The following TET1 variants were observed in gnomAD, a reference collection of about 807,000 sequenced individuals.
TET1 encodes the protein tet methylcytosine dioxygenase 1.
A neutral mutation model predicts 148.7 loss-of-function variants in TET1; 13 were observed. That is an observed-to-expected ratio of 0.09 (90% CI 0.06 to 0.14). TET1 has a LOEUF of 0.14. Among genes scored for constraint, TET1 ranks in the 10% least tolerant of loss-of-function variants. TET1 has a pLI of 1.00. For synonymous variants in TET1, 907 were observed against 937.2 expected, an observed-to-expected ratio of 0.97 and a Z score of 0.59; for missense variants, 2,182 against 2,553.8, an observed-to-expected ratio of 0.85 and a Z score of 3.14.
intron 3 of TET1, among the ~76,000 whole-genome samples, chr10:68,624,158 G>A (rs1029736131): frequency 2.7e-5 from 4 of 149,286 alleles, no homozygotes; most frequent in African/African-American, 4.9e-5. Context: ...GTGCAGTGTC[G>A]CAATCTCGGC....
chr10:68,608,191 G>A (rs978009401), intron 3 of TET1, among the ~76,000 whole-genome samples: 5 of 152,144 alleles, frequency 3.3e-5, no homozygotes, highest in South Asian at 4.1e-4. Context: ...GCCTCCCAAA[G>A]TGCTGGGATT....
chr10:68,618,992 A>G (rs1171405077), intron 3 of TET1, among the ~76,000 whole-genome samples: 1 of 152,194 alleles, frequency 6.6e-6, no homozygotes, highest in Non-Finnish European at 1.5e-5. Flanking sequence ...ATAATTAAGT[A>G]AAAAGAAATT....
chr10:68,686,794 A>T (rs879084988), intron 11 of TET1, 87 bp downstream of exon 11: 1 of 1,197,738 alleles, frequency 8.3e-7, no homozygotes, highest in South Asian at 1.6e-5. Context: ...GTTTAGAGTT[A>T]AAACTAAGAC....
At chr10:68,644,649 T>G (rs751477890) in intron 3 of TET1, 49 bp from the exon 4 acceptor site, 96 of 1,486,196 alleles carry the variant, frequency 6.5e-5, no homozygotes, top group African/African-American at 2.8e-5. Flanking sequence ...TCTATGGCTG[T>G]TATTCAGATA....
chr10:68,674,847 C>G lies in TET1; in HGVS notation c.4824+1802C>G, dbSNP rs930755030. 3 of 435,276 alleles carry G rather than the reference C, an allele frequency of 6.9e-6. No individual in the cohort carries two copies. In the Admixed American group the frequency reaches 9.0e-5, roughly 13 times the overall value. The allele number at this position is 435,276 out of a possible 1,614,324, so 27.0% of individuals were successfully genotyped here. ...GAAATCATGACCCGAGAGGTGCAGACAAATTACTTGAAAGAAGTGGTCAAT... is the reference window on the plus strand; with the variant it reads ...GAAATCATGACCCGAGAGGTGCAGAGAAATTACTTGAAAGAAGTGGTCAAT... On this transcript the variant is annotated intron_variant, in intron 8 of 11. Transcript: ENST00000373644.
chr10:68,674,910 A>G, intron 8 of TET1: 1 of 387,074 alleles, frequency 2.6e-6, no homozygotes, highest in Non-Finnish European at 4.9e-6. Flanking sequence ...GACATAGAAA[A>G]AATTCTTGCC....
Position 68,691,048 on chromosome 10 carries a change from C to T in TET1, c.5645C>T (p.Thr1882Met), listed in dbSNP as rs759636615. The change falls in exon 12 of 12, where the codon ACG (threonine) becomes ATG (methionine). Residue 1882 changes from threonine to methionine, a missense_variant. Physicochemically the swap from Thr to Met is moderately conservative, Grantham distance 81. Transcript: ENST00000373644. This position sits in a 1 kb window ranked among gnomAD's most constrained non-coding sequence, Gnocchi z 4.4. The stretch of plus-strand genomic sequence containing the variant: ...GAAAGAAGCAGCACTCCCCACTGTA[C>T]GATGCCTTCGGGAAGACTCAGTGGT... ...FSERSSTPHC[T>M]MPSGRLSGAN... The T allele has an allele frequency of 1.9e-5, 31 of 1,614,100 alleles. No homozygotes were observed. The highest frequency in any genetic ancestry group is 1.2e-4 in the South Asian group (11 of 91,090).
Position 68,601,870 on chromosome 10 carries a change from T to C in TET1, c.1968+836T>C, listed in dbSNP as rs374639613. Reference sequence around the variant, plus strand: ...CAATAAAATGACTTATCTTTAATTATTTTGTGTACATTTAATTTAAAATAG... The same window carrying C: ...CAATAAAATGACTTATCTTTAATTACTTTGTGTACATTTAATTTAAAATAG... On this transcript the variant is annotated intron_variant, in intron 3 of 11. Transcript: ENST00000373644. 1.3e-4 allele frequency among the ~76,000 whole-genome samples: 19 copies of C among 146,318 alleles called. No individual in the cohort carries two copies. In the East Asian group the frequency reaches 1.9e-3, roughly 15 times the overall value.
intron 8 of TET1, among the ~76,000 whole-genome samples, chr10:68,677,005 T>G (rs1440716352): frequency 6.6e-6 from 1 of 152,206 alleles, no homozygotes; most frequent in Non-Finnish European, 1.5e-5. Context: ...GCAAGAGGTA[T>G]AGGAAGTCCA....
chr10:68,607,794 A>T (rs1198722270), intron 3 of TET1, among the ~76,000 whole-genome samples: 1 of 148,364 alleles, frequency 6.7e-6, no homozygotes, highest in Non-Finnish European at 1.5e-5. Flanking sequence ...ATGAATATAT[A>T]TATTCTCTCT....
At chr10:68,656,348 C>T (rs1198105079) in intron 6 of TET1, among the ~76,000 whole-genome samples, 2 of 152,090 alleles carry the variant, frequency 1.3e-5, no homozygotes, top group African/African-American at 2.4e-5. Context: ...CTGCAAGCTC[C>T]GCCTCCTGGG....
chr10:68,634,987 G>T (rs1273415374), intron 3 of TET1, among the ~76,000 whole-genome samples: 3 of 151,648 alleles, frequency 2.0e-5, no homozygotes, highest in Non-Finnish European at 4.4e-5. Context: ...TAGAGACTGG[G>T]TTTCACCATG....
In TET1 at chr10:68,644,963, G is replaced by T. The variant is rs369109149; in HGVS notation, c.2234G>T (p.Arg745Leu). ...AAAAACTCTGAAGTTGACAAGAAACGAACCAAATCTCCAAAATTGTTTGTA... is the reference window on the plus strand; with the variant it reads ...AAAAACTCTGAAGTTGACAAGAAACTAACCAAATCTCCAAAATTGTTTGTA... Reference protein sequence around the residue: ...KSKNSEVDKKRTKSPKLFVQT... With the variant: ...KSKNSEVDKKLTKSPKLFVQT... The change falls in exon 4 of 12, where the codon CGA becomes CTA. Residue 745 changes from arginine (R) to leucine (L), a missense_variant. Around this residue, in one of 11 missense-constraint regions of TET1, gnomAD observed 226 missense variants for 307.4 expected, o/e 0.74. Transcript: ENST00000373644. 1.2e-6 allele frequency: 2 copies of T among 1,613,212 alleles called. No homozygotes were observed. The highest frequency in any genetic ancestry group is 1.7e-5 in the Admixed American group (1 of 59,914).
At position 68,686,368 on chromosome 10, in the gene TET1, A is replaced by G. The variant is rs769808628; in HGVS notation, c.5065A>G (p.Thr1689Ala). The G allele has an allele frequency of 6.2e-7, 1 of 1,604,678 alleles. No individual in the cohort carries two copies. Among genetic ancestry groups the G allele is most frequent in the Non-Finnish European group, 8.5e-7 (1 of 1,174,412 alleles). The change falls in exon 11 of 12, where the codon ACT (threonine) becomes GCT (alanine). Residue 1689 changes from threonine to alanine, a missense_variant. Thr to Ala is a moderately conservative substitution (Grantham distance 58). Coordinates refer to ENST00000373644, the MANE Select transcript of TET1 (RefSeq NM_030625.3). ...NNGSTVVCTL[T>A]REDNRSLGVI... is the part of the protein sequence containing the mutation. The stretch of plus-strand genomic sequence containing the variant: ...TTCTCCCTATCAGGTTTGTACCTTA[A>G]CTCGAGAAGATAACCGCTCTTTGGG...
intron 3 of TET1, among the ~76,000 whole-genome samples, chr10:68,617,006 CTTTTTTTTTTTTTTTTTTTT>C (rs71019039): frequency 1.1e-3 from 44 of 39,612 alleles, no homozygotes; most frequent in African/African-American, 3.0e-3. Context: ...CGCGCCTGGC[CTTTTTTTTTTTTTTTTTTTT>C]TTTTTTTTTT....
chr10:68,649,345 C>T (rs560037604), intron 4 of TET1, among the ~76,000 whole-genome samples: 16 of 152,218 alleles, frequency 1.1e-4, no homozygotes, highest in South Asian at 6.2e-4. Context: ...CAGTGGCTCA[C>T]GCCTGTAATC....
intron 2 of TET1, among the ~76,000 whole-genome samples, chr10:68,597,030 A>ATTTGTTTTTTTTTTTTTTTTT (rs2053996251): frequency 1.0e-5 from 1 of 98,894 alleles, no homozygotes; most frequent in Non-Finnish European, 1.9e-5. Context: ...CAGCTAATGG[A>ATTTGTTTTTTTTTTTTTTTTT]TTTTTTTTTT....
At chr10:68,616,321 G>T (rs925095918) in intron 3 of TET1, among the ~76,000 whole-genome samples, 1 of 152,158 alleles carries the variant, frequency 6.6e-6, no homozygotes, top group African/African-American at 2.4e-5. Context: ...TATTTTTGAA[G>T]AATTTCCCTC....
intron 3 of TET1, among the ~76,000 whole-genome samples, chr10:68,640,772 C>CT (rs1156484056): frequency 1.3e-5 from 2 of 151,068 alleles, no homozygotes; most frequent in African/African-American, 4.9e-5. Flanking sequence ...AGGATGGTCT[C>CT]TATCTCCTGA....
Sources: gnomAD v4.1 joint callset for allele counts (sites outside exome capture counted in the v4.1 genomes callset) on GRCh38, gnomAD v4.1.1 for gene constraint, gnomAD v4.1.1 regional missense constraint, Gnocchi (gnomAD v3.1) non-coding constraint, MANE v1.5 for transcripts, NCBI Gene and HGNC (gene_info 2026-07-23, HGNC 2026-07-21) for gene names.